The following WSB1 variants were observed in gnomAD, a reference collection of about 807,000 sequenced individuals.
The protein encoded by WSB1 is WD repeat and SOCS box-containing protein 1.
In WSB1, 23 loss-of-function variants were observed where a neutral mutation model predicts 50.2. The observed-to-expected ratio is 0.46, with a 90% confidence interval of 0.33 to 0.65. The LOEUF (loss-of-function observed/expected upper bound fraction) is 0.65. WSB1 is among the 30% of genes least tolerant of loss of function. The pLI, the probability that WSB1 is intolerant of heterozygous loss-of-function variation, is 0.02. For missense variants in WSB1, 492 were observed against 522.3 expected (o/e 0.94, Z 0.56); for synonymous variants, 179 against 172.0 (o/e 1.04, Z -0.32).
intron 1 of WSB1, among the ~76,000 whole-genome samples, chr17:27,296,959 A>G (rs1409737486): frequency 2.6e-5 from 4 of 152,232 alleles, no homozygotes; most frequent in Non-Finnish European, 5.9e-5. Flanking sequence ...GCCAAAGGCA[A>G]TTTGATATAC....
chr17:27,308,224 A>G, intron 5 of WSB1: 1 of 987,108 alleles, frequency 1.0e-6, no homozygotes, highest in Non-Finnish European at 1.2e-6. Flanking sequence ...AAAAAACCAA[A>G]AAGGATTGCT....
intron 3 of WSB1, among the ~76,000 whole-genome samples, chr17:27,304,421 ATATTT>A (rs879352898): frequency 6.6e-6 from 1 of 150,610 alleles, no homozygotes; most frequent in Non-Finnish European, 1.5e-5. Flanking sequence ...ATTTGATTTT[ATATTT>A]TAAAGTTCAT....
chr17:27,312,449 T>C lies in WSB1; in HGVS notation c.*80T>C. 1 of 1,542,882 alleles carries C rather than the reference T, an allele frequency of 6.5e-7. No individual in the cohort carries two copies. The highest frequency in any genetic ancestry group is 8.7e-7 in the Non-Finnish European group (1 of 1,143,674). On this transcript the variant is annotated 3_prime_UTR_variant, in exon 9 of 9. Coordinates refer to ENST00000262394, the MANE Select transcript of WSB1 (RefSeq NM_015626.10). Reference sequence around the variant, plus strand: ...TCAAGCTTTACTGACTTCAATTATCTGTTTTTAAAGACGTAGAAGATTTAT... The same window carrying C: ...TCAAGCTTTACTGACTTCAATTATCCGTTTTTAAAGACGTAGAAGATTTAT...
chr17:27,301,835 G>A lies in WSB1; in HGVS notation c.88G>A (p.Asp30Asn). 6.2e-7 allele frequency: 1 copy of A among 1,614,072 alleles called. No individual in the cohort carries two copies. The highest frequency in any genetic ancestry group is 8.5e-7 in the Non-Finnish European group (1 of 1,179,998). Reference sequence around the variant, plus strand: ...ACTTTTAGCTCCTGCAGCTCCTTTTGACAAGAAATGTGGTCGTGAAAATTG... The same window carrying A: ...ACTTTTAGCTCCTGCAGCTCCTTTTAACAAGAAATGTGGTCGTGAAAATTG... ...GELLAPAAPF[D>N]KKCGRENWTV... The change falls in exon 2 of 9, where the codon GAC (aspartate) becomes AAC (asparagine). Residue 30 changes from aspartate (D) to asparagine (N), a missense_variant. Coordinates refer to ENST00000262394, the MANE Select transcript of WSB1 (RefSeq NM_015626.10).
chr17:27,307,772 G>T, intron 5 of WSB1: 4 of 1,535,408 alleles, frequency 2.6e-6, no homozygotes, highest in Non-Finnish European at 3.5e-6. Context: ...GTGTGATTGA[G>T]GTTATGCTGG....
chr17:27,299,115 T>C (rs2017113849), intron 1 of WSB1, among the ~76,000 whole-genome samples: 1 of 152,248 alleles, frequency 6.6e-6, no homozygotes, highest in South Asian at 2.1e-4. Flanking sequence ...AATAAGGCTG[T>C]AGGTTTGGGA....
At chr17:27,294,872 T>A (rs2016887754) in intron 1 of WSB1, among the ~76,000 whole-genome samples, 1 of 151,956 alleles carries the variant, frequency 6.6e-6, no homozygotes, top group Non-Finnish European at 1.5e-5. Flanking sequence ...TAGATAGAAA[T>A]GAGATGGAAG....
At chr17:27,301,695 A>G (rs1331601688) in intron 1 of WSB1, 93 bp from the exon 2 acceptor site, 28 of 1,349,678 alleles carry the variant, frequency 2.1e-5, no homozygotes, top group Non-Finnish European at 1.0e-6. Flanking sequence ...TGCATAGAAG[A>G]GGGAAGAAAC....
intron 1 of WSB1, among the ~76,000 whole-genome samples, chr17:27,295,437 T>G (rs1214004731): frequency 1.3e-5 from 2 of 152,190 alleles, no homozygotes. Flanking sequence ...GGGTGAATTT[T>G]TATATCTAGA....
chr17:27,306,895 G>T lies in WSB1; in HGVS notation c.711+13G>T. The T allele has an allele frequency of 6.2e-7, 1 of 1,611,378 alleles. No homozygotes were observed. Among genetic ancestry groups the T allele is most frequent in the African/African-American group, 1.3e-5 (1 of 74,956 alleles). On this transcript the variant is annotated intron_variant, in intron 5 of 8. Transcript: ENST00000262394. ...AGCCAGTAAAGCAGTACGTGTCAAA[G>T]TTCTTGTACATTCATTATGAATTGG... is the stretch of plus-strand genomic sequence containing the variant.
intron 3 of WSB1, 103 bp from the exon 4 acceptor site, chr17:27,304,677 A>G: frequency 8.3e-7 from 1 of 1,204,984 alleles, no homozygotes; most frequent in Non-Finnish European, 1.1e-6. Flanking sequence ...ACGCCATTGC[A>G]CTCCAGCCTG....
intron 3 of WSB1, 62 bp downstream of exon 3, chr17:27,303,697 G>T: frequency 6.4e-7 from 1 of 1,554,700 alleles, no homozygotes; most frequent in Non-Finnish European, 8.7e-7. Context: ...CTGCTTATAG[G>T]CACTGGAATT....
intron 5 of WSB1, chr17:27,307,759 T>C: frequency 6.5e-7 from 1 of 1,535,062 alleles, no homozygotes; most frequent in Middle Eastern, 1.7e-4. Flanking sequence ...GGCAGCAATA[T>C]TGGTGTGATT....
intron 1 of WSB1, among the ~76,000 whole-genome samples, 174 bp downstream of exon 1, chr17:27,294,609 C>T (rs561453097): frequency 6.6e-6 from 1 of 152,252 alleles, no homozygotes; most frequent in South Asian, 2.1e-4. Context: ...GAGGGGTAAA[C>T]GGCACCGACG....
chr17:27,299,627 A>C (rs2017142216), intron 1 of WSB1, among the ~76,000 whole-genome samples: 1 of 152,210 alleles, frequency 6.6e-6, no homozygotes, highest in Non-Finnish European at 1.5e-5. Context: ...TATTGTGGTT[A>C]GTTCTGGGTG....
intron 4 of WSB1, among the ~76,000 whole-genome samples, chr17:27,305,900 T>G (rs1335341203): frequency 2.0e-5 from 3 of 152,204 alleles, no homozygotes; most frequent in Non-Finnish European, 2.9e-5. Context: ...GAACATAGTC[T>G]TAGTAAAATA....
rs2017709382 is a variant in WSB1, at chr17:27,312,146, G to C, written c.1107-64G>C. 3 of 1,542,872 alleles carry C rather than the reference G, an allele frequency of 1.9e-6. No homozygotes were observed. The Admixed American group carries it at 6.5e-5, about 33-fold the overall frequency. On this transcript the variant is annotated intron_variant, in intron 8 of 8. Coordinates refer to ENST00000262394, the MANE Select transcript of WSB1 (RefSeq NM_015626.10). Reference sequence around the variant, plus strand: ...CACATGTATTGGGTGATAGTTGTTTGAGCTGTAGCAACACTGAAATACATA... The same window carrying C: ...CACATGTATTGGGTGATAGTTGTTTCAGCTGTAGCAACACTGAAATACATA...
chr17:27,305,409 A>G (rs2150837156), intron 4 of WSB1, among the ~76,000 whole-genome samples: 1 of 152,362 alleles, frequency 6.6e-6, no homozygotes, highest in South Asian at 2.1e-4. Flanking sequence ...AAAAAGTGAA[A>G]GATTTACTGT....
Position 27,304,807 on chromosome 17 carries a change from A to G in WSB1, c.506A>G (p.His169Arg). The part of the protein sequence containing the change: ...TGKLLLNLVD[H>R]TEVVRDLTFA... Reference sequence around the variant, plus strand: ...AAACTCCTCCTTAACTTGGTAGATCATACTGAAGTGGTCAGAGATTTAACT... The same window carrying G: ...AAACTCCTCCTTAACTTGGTAGATCGTACTGAAGTGGTCAGAGATTTAACT... The change falls in exon 4 of 9, where the codon CAT (histidine) becomes CGT (arginine). Residue 169 changes from histidine to arginine, a missense_variant. Physicochemically the swap from His to Arg is conservative, Grantham distance 29. Coordinates refer to ENST00000262394, the MANE Select transcript of WSB1 (RefSeq NM_015626.10). 1.2e-6 allele frequency: 2 copies of G among 1,613,994 alleles called. No individual in the cohort carries two copies. Among genetic ancestry groups the G allele is most frequent in the South Asian group, 2.2e-5 (2 of 91,084 alleles).
Sources: allele counts gnomAD v4.1 joint callset (sites outside exome capture counted in the v4.1 genomes callset), GRCh38; gene constraint gnomAD v4.1.1; transcripts MANE v1.5; gene names NCBI Gene and HGNC (gene_info 2026-07-23, HGNC 2026-07-21).